The following HERC2 variants were observed in gnomAD, a reference collection of about 807,000 sequenced individuals.
The protein encoded by HERC2 is HECT and RLD domain containing E3 ubiquitin protein ligase 2.
HERC2 carries 102 observed loss-of-function variants against 537.7 expected under a neutral mutation model. The observed-to-expected ratio is 0.19, with a 90% CI of 0.16 to 0.22. HERC2 has a LOEUF of 0.22. Among genes scored for constraint, HERC2 ranks in the 10% least tolerant of loss-of-function variants. The pLI is 1.00. For synonymous variants in HERC2, 2,224 were observed against 2,466.2 expected (o/e 0.90, Z 2.91); for missense variants, 4,236 against 6,198.2 (o/e 0.68, Z 10.63).
intron 35 of HERC2, among the ~76,000 whole-genome samples, chr15:28,224,825 T>C (rs1374649279): frequency 6.6e-6 from 1 of 151,076 alleles, no homozygotes; most frequent in Non-Finnish European, 1.5e-5. Flanking sequence ...CAAAATGAAA[T>C]GAGAAATAAA....
Position 28,246,848 on chromosome 15 carries a change from G to C in HERC2, c.3285C>G (p.Leu1095=), listed in dbSNP as rs762990736. 1 of 1,612,020 alleles carries C rather than the reference G, an allele frequency of 6.2e-7. No individual in the cohort carries two copies. Among genetic ancestry groups the C allele is most frequent in the Non-Finnish European group, 8.5e-7 (1 of 1,179,190 alleles). Residue 1095 remains leucine (L), a synonymous_variant, in exon 22 of 93, where the codon CTC becomes CTG. Coordinates refer to ENST00000261609, the MANE Select transcript of HERC2 (RefSeq NM_004667.6). ...GTATATCTCCAATGTGCGTGCACAG[G>C]AGGGCTGTGTACTTCTTCAGCAAGG... ...VGSLLKKYTA[L]LCTHIGDILP...
intron 5 of HERC2, among the ~76,000 whole-genome samples, chr15:28,279,359 T>A (rs1007431230): frequency 6.6e-6 from 1 of 152,154 alleles, no homozygotes; most frequent in African/African-American, 2.4e-5. Context: ...GCATCTAAAC[T>A]AGTTGGGCAT....
intron 3 of HERC2, among the ~76,000 whole-genome samples, chr15:28,293,415 C>G (rs2076374086): frequency 1.3e-5 from 2 of 150,132 alleles, no homozygotes; most frequent in African/African-American, 4.9e-5. Context: ...ATGGCGTGAA[C>G]CCGGGAGGCA....
In HERC2 at chr15:28,269,375, A is replaced by G; in HGVS notation, c.1319T>C (p.Ile440Thr). The G allele has an allele frequency of 1.2e-6, 2 of 1,614,180 alleles. No homozygotes were observed. Among genetic ancestry groups the G allele is most frequent in the South Asian group, 1.1e-5 (1 of 91,080 alleles). ...CAGGCCTTCGCACTGGATTGGACCA[A>G]TCACATTGGCATAGTATTTCCATCC... ...LIGWKYYANV[I>T]GPIQCEGLAN... is the part of the protein sequence containing the mutation. Residue 440 changes from isoleucine (I) to threonine (T), a missense_variant, in exon 11 of 93, where the codon ATT becomes ACT. By Grantham distance (89) the Ile-to-Thr change is moderately conservative. Coordinates refer to ENST00000261609, the MANE Select transcript of HERC2 (RefSeq NM_004667.6).
At chr15:28,207,665 C>T (rs1477172037) in intron 44 of HERC2, among the ~76,000 whole-genome samples, 2 of 152,198 alleles carry the variant, frequency 1.3e-5, no homozygotes, top group South Asian at 2.1e-4. Context: ...AGATCCACTG[C>T]CCTCAAGCCC....
intron 84 of HERC2, 63 bp from the exon 85 acceptor site, chr15:28,124,297 A>T: frequency 8.8e-7 from 1 of 1,141,850 alleles, no homozygotes. Flanking sequence ...CCAGTGTGGC[A>T]TCCATTAAGG....
intron 2 of HERC2, among the ~76,000 whole-genome samples, chr15:28,301,681 C>A (rs1400097106): frequency 1.6e-5 from 2 of 123,592 alleles, no homozygotes; most frequent in African/African-American, 6.5e-5. Flanking sequence ...CAGATGTTTG[C>A]CCATCTTTTT....
chr15:28,208,477 T>A (rs1420502518), intron 44 of HERC2, among the ~76,000 whole-genome samples: 3 of 151,968 alleles, frequency 2.0e-5, no homozygotes, highest in Admixed American at 2.0e-4. Context: ...TCATCTCCTG[T>A]TTCAGATACT....
intron 86 of HERC2, 35 bp downstream of exon 86, chr15:28,121,311 G>T (rs764903895): frequency 3.8e-6 from 6 of 1,578,410 alleles, no homozygotes; most frequent in Non-Finnish European, 5.2e-6. Context: ...CACTTCTAAG[G>T]CTGTCAGACT....
At position 28,306,887 on chromosome 15, in the gene HERC2, T is replaced by C. The variant is rs1156913532; in HGVS notation, c.73-7371A>G. ...TCTCACTCTGTCACCCAGGCTGGAG[T>C]GCAGTAACATGATCTCAGCACACTG... On this transcript the variant is annotated intron_variant, in intron 2 of 92. Transcript: ENST00000261609. Among the ~76,000 whole-genome samples, 14 of 152,162 alleles carry C rather than the reference T, an allele frequency of 9.2e-5. No individual in the cohort carries two copies. The South Asian group carries it at 2.1e-3, about 23-fold the overall frequency.
chr15:28,243,913 G>A lies in HERC2; in HGVS notation c.3577+1968C>T, dbSNP rs1489303115. On this transcript the variant is annotated intron_variant, in intron 23 of 92. Coordinates refer to ENST00000261609, the MANE Select transcript of HERC2 (RefSeq NM_004667.6). ...TGTAAGAATGTTAACGTATTGGCAG[G>A]AGCGCTGGCTCATGCCTCTTATGTC... 2.6e-5 allele frequency among the ~76,000 whole-genome samples: 4 copies of A among 152,284 alleles called. No homozygotes were observed. In the East Asian group the frequency reaches 7.7e-4, roughly 29 times the overall value.
intron 79 of HERC2, among the ~76,000 whole-genome samples, chr15:28,134,821 TCAC>T (rs753977812): frequency 6.7e-4 from 102 of 151,556 alleles, no homozygotes; most frequent in Non-Finnish European, 1.3e-3. Flanking sequence ...CAGGTGTGTG[TCAC>T]CACATCTGGC....
intron 20 of HERC2, among the ~76,000 whole-genome samples, chr15:28,252,111 C>T (rs923424407): frequency 6.6e-6 from 1 of 152,110 alleles, no homozygotes; most frequent in Non-Finnish European, 1.5e-5. Context: ...AGTTTTTAAA[C>T]CTGCATTTTA....
chr15:28,171,404 T>G (rs1403118542), intron 65 of HERC2, among the ~76,000 whole-genome samples: 5 of 152,106 alleles, frequency 3.3e-5, no homozygotes, highest in Non-Finnish European at 5.9e-5. Context: ...ACTGAGTAAT[T>G]TGAACCAGAA....
intron 57 of HERC2, 141 bp downstream of exon 57, chr15:28,182,260 T>C (rs1266041785): frequency 1.8e-6 from 1 of 545,212 alleles, no homozygotes; most frequent in Non-Finnish European, 3.2e-6. Context: ...GAGACGCTTC[T>C]GAGGGGTAAT....
intron 23 of HERC2, among the ~76,000 whole-genome samples, chr15:28,244,626 A>C (rs750128707): frequency 6.6e-6 from 1 of 152,202 alleles, no homozygotes; most frequent in Non-Finnish European, 1.5e-5. Flanking sequence ...ACAGTGAGTA[A>C]GCTGCTGATC....
chr15:28,175,783 T>C (rs1488624609), intron 63 of HERC2, 127 bp from the exon 64 acceptor site: 10 of 895,662 alleles, frequency 1.1e-5, no homozygotes, highest in Middle Eastern at 2.2e-4. Flanking sequence ...ACCCAAGGTC[T>C]TCAAACTTGT....
At chr15:28,232,193 A>G (rs1387389838) in intron 30 of HERC2, among the ~76,000 whole-genome samples, 2 of 152,238 alleles carry the variant, frequency 1.3e-5, no homozygotes, top group Non-Finnish European at 2.9e-5. Context: ...TCGGAAACTC[A>G]GTAATCAATA....
intron 2 of HERC2, among the ~76,000 whole-genome samples, chr15:28,301,733 GTGTATATATATATATATATATATATA>G (rs1403928832): frequency 9.7e-5 from 3 of 30,906 alleles, no homozygotes; most frequent in East Asian, 1.1e-3. Context: ...TTGTATGTAT[GTGTATATATATATATATATATATATA>G]TATATATATA....
Sources: allele counts gnomAD v4.1 joint callset (sites outside exome capture counted in the v4.1 genomes callset), GRCh38; gene constraint gnomAD v4.1.1; transcripts MANE v1.5; gene names NCBI Gene and HGNC (gene_info 2026-07-23, HGNC 2026-07-21).